The following P2RX7 variants were observed in gnomAD, a reference collection of about 807,000 sequenced individuals.
P2RX7 encodes P2X purinoceptor 7.
Under a neutral mutation model 71.6 loss-of-function variants are expected in P2RX7, and 62 were observed. The observed-to-expected ratio is 0.87, with a 90% CI of 0.71 to 1.07. The LOEUF (loss-of-function observed/expected upper bound fraction) is 1.07, where lower values mean the gene tolerates loss of function less well. Among genes scored for constraint, P2RX7 ranks in the 50% least tolerant of loss-of-function variants. The probability of loss-of-function intolerance (pLI) is 0.00; values close to 1 mark genes in which losing one functional copy is unlikely to be tolerated. For synonymous variants in P2RX7, 299 were observed against 283.3 expected (o/e 1.06, Z -0.56); for missense variants, 686 against 748.5 (o/e 0.92, Z 0.97).
rs143572120 is a variant in P2RX7 at position 121,147,379 on chromosome 12, G to A, written c.126-7406G>A. Among the ~76,000 whole-genome samples the A allele has an allele frequency of 6.1e-3, 924 of 152,254 alleles. 4 individuals are homozygous for A. The highest frequency in any genetic ancestry group is 9.6e-3 in the Non-Finnish European group (652 of 68,024). On this transcript the variant is annotated intron_variant, in intron 1 of 12. Transcript: ENST00000328963. ...GTAAGGATTGCAAGAGTTAATATAT[G>A]TTAGCAAAATGGACTTAGAAGAGTG...
chr12:121,181,496 A>G (rs1284765472), intron 12 of P2RX7, among the ~76,000 whole-genome samples: 2 of 152,178 alleles, frequency 1.3e-5, no homozygotes, highest in Non-Finnish European at 2.9e-5. Flanking sequence ...CACTCTCCCC[A>G]GCAGTTCTGG....
At position 121,165,915 on chromosome 12, in the gene P2RX7, C is replaced by T. The variant is rs79679265; in HGVS notation, c.615-143C>T. ...ATCAACCCTGGTCCAGTGTGAGAGG[C>T]CACTGCCCAGGGGTCCCAGGAGGCA... On this transcript the variant is annotated intron_variant, in intron 6 of 12. Coordinates refer to ENST00000328963, the MANE Select transcript of P2RX7 (RefSeq NM_002562.6). The T allele has an allele frequency of 1.7e-3, 1,325 of 770,782 alleles. 12 individuals are homozygous for T. The African/African-American group carries it at 0.021, about 12-fold the overall frequency. 47.7% of individuals were successfully genotyped at this position (770,782 alleles called of 1,614,324 possible).
At position 121,184,836 on chromosome 12, in the gene P2RX7, G is replaced by A; in HGVS notation, c.*34G>A. 1 of 1,485,448 alleles carries A rather than the reference G, an allele frequency of 6.7e-7. No homozygotes were observed. The highest frequency in any genetic ancestry group is 1.3e-5 in the South Asian group (1 of 76,802). 92.0% of individuals were successfully genotyped at this position (1,485,448 alleles called of 1,614,324 possible). A position where few individuals can be genotyped will look rare whatever the true frequency, so the allele number is the denominator to read the frequency against. ...ACCGTGGCTCACGTCTGTAATCCCA[G>A]CGCTTTGGGAGGCCGAGGCAGGCAG... On this transcript the variant is annotated 3_prime_UTR_variant, in exon 13 of 13. Coordinates refer to ENST00000328963, the MANE Select transcript of P2RX7 (RefSeq NM_002562.6).
At chr12:121,163,358 G>GCACA (rs1352653146) in intron 5 of P2RX7, among the ~76,000 whole-genome samples, 7,067 of 100,352 alleles carry the variant, frequency 0.07, 282 homozygotes, top group African/African-American at 0.11. Flanking sequence ...ACACACACAC[G>GCACA]CACACACACA....
At chr12:121,144,691 C>A (rs1250846681) in intron 1 of P2RX7, among the ~76,000 whole-genome samples, 1 of 152,086 alleles carries the variant, frequency 6.6e-6, no homozygotes, top group Non-Finnish European at 1.5e-5. Context: ...ATTTAGGAGA[C>A]TATTGGGATG....
intron 4 of P2RX7, 33 bp downstream of exon 4, chr12:121,161,007 G>A (rs200426192): frequency 6.5e-7 from 1 of 1,545,356 alleles, no homozygotes; most frequent in Non-Finnish European, 8.9e-7. Context: ...AGACCCTAGG[G>A]GTGGATGGTC....
chr12:121,176,971 G>C (rs1282654579), intron 9 of P2RX7, among the ~76,000 whole-genome samples, 176 bp from the exon 10 acceptor site: 3 of 152,176 alleles, frequency 2.0e-5, no homozygotes, highest in Admixed American at 1.3e-4. Flanking sequence ...GGCTGAAGCA[G>C]GATGCCTGAG....
intron 1 of P2RX7, among the ~76,000 whole-genome samples, chr12:121,141,713 G>C (rs592340): frequency 0.15 from 22,836 of 152,066 alleles, 2,884 homozygotes; most frequent in African/African-American, 0.35. Flanking sequence ...TGAGGACTTA[G>C]CATGTGCCGG....
rs201774947 is a variant in P2RX7, at chr12:121,166,132, G to A, written c.689G>A (p.Arg230Gln). The A allele has an allele frequency of 1.9e-5, 30 of 1,613,870 alleles. No homozygotes were observed. Among genetic ancestry groups the A allele is most frequent in the African/African-American group, 4.0e-5 (3 of 74,900 alleles). Residue 230 changes from arginine (R) to glutamine (Q), a missense_variant, in exon 7 of 13, where the codon CGA becomes CAA. Transcript: ENST00000328963. Reference protein sequence around the residue: ...KTQNPQCPIFRLGDIFRETGD... With the variant: ...KTQNPQCPIFQLGDIFRETGD... ...CAGAATCCACAGTGTCCCATTTTCCGACTAGGAGACATCTTCCGAGAAACA... is the reference window on the plus strand; with the variant it reads ...CAGAATCCACAGTGTCCCATTTTCCAACTAGGAGACATCTTCCGAGAAACA...
At chr12:121,143,013 A>T (rs1052850205) in intron 1 of P2RX7, among the ~76,000 whole-genome samples, 2 of 151,676 alleles carry the variant, frequency 1.3e-5, no homozygotes, top group African/African-American at 4.9e-5. Context: ...CCTGGGAGGC[A>T]GAGACTGCAG....
intron 6 of P2RX7, among the ~76,000 whole-genome samples, chr12:121,165,748 C>T (rs980924809): frequency 6.6e-6 from 1 of 152,200 alleles, no homozygotes; most frequent in Non-Finnish European, 1.5e-5. Context: ...ACTTGAGTAT[C>T]CTTGGTATAT....
At chr12:121,171,302 A>G (rs369081858) in intron 8 of P2RX7, among the ~76,000 whole-genome samples, 3 of 151,228 alleles carry the variant, frequency 2.0e-5, no homozygotes, top group African/African-American at 4.9e-5. Context: ...GCGTCCCACA[A>G]ATCTCTGCCT....
rs1872724901 is a variant in P2RX7, at chr12:121,132,937, G to A, written c.-34G>A. On this transcript the variant is annotated 5_prime_UTR_variant, in exon 1 of 13. Transcript: ENST00000328963. ...GCCCTGTCAGGAAGAGTAGAGCTCT[G>A]GTCCAGCTCCGCGCAGGGAGGGAGG... The A allele has an allele frequency of 6.2e-7, 1 of 1,612,196 alleles. No individual in the cohort carries two copies. The highest frequency in any genetic ancestry group is 8.5e-7 in the Non-Finnish European group (1 of 1,179,866).
intron 12 of P2RX7, among the ~76,000 whole-genome samples, chr12:121,182,072 A>AC (rs1475274055): frequency 1.3e-5 from 2 of 151,946 alleles, no homozygotes; most frequent in African/African-American, 4.8e-5. Context: ...AAAAAAAAAA[A>AC]AAAAAAAGTC....
chr12:121,136,920 A>G (rs558955727), intron 1 of P2RX7, among the ~76,000 whole-genome samples: 42 of 152,268 alleles, frequency 2.8e-4, no homozygotes, highest in African/African-American at 9.4e-4. Context: ...AAGTGCTGGG[A>G]TTACAGGTGT....
intron 5 of P2RX7, among the ~76,000 whole-genome samples, chr12:121,162,805 A>G (rs1880021176): frequency 6.6e-6 from 1 of 152,072 alleles, no homozygotes; most frequent in South Asian, 2.1e-4. Context: ...CAGATCTTCC[A>G]GGGTACCCCC....
rs1876851148 is a variant in P2RX7 at position 121,149,021 on chromosome 12, G to A, written c.126-5764G>A. 3 of 556,356 alleles carry A rather than the reference G, an allele frequency of 5.4e-6. No individual in the cohort carries two copies. The highest frequency in any genetic ancestry group is 1.1e-5 in the Non-Finnish European group (3 of 282,268). 34.5% of individuals were successfully genotyped at this position (556,356 alleles called of 1,614,324 possible). A position where few individuals can be genotyped will look rare whatever the true frequency, so the allele number is the denominator to read the frequency against. On this transcript the variant is annotated intron_variant, in intron 1 of 12. Transcript: ENST00000328963. This position sits in a 1 kb window ranked among gnomAD's most constrained non-coding sequence, Gnocchi z 4.7. ...GGAAGCCCAGGGGCTGTAAGACGGA[G>A]AGGAACTTTGCTGAAAGGGAGGTCC...
At position 121,184,390 on chromosome 12, in the gene P2RX7, T is replaced by A; in HGVS notation, c.1376T>A (p.Ile459Lys). The part of the protein sequence containing the change: ...TPPIPGQPEE[I>K]QLLRKEATPR... The stretch of plus-strand genomic sequence containing the variant: ...CCGATTCCTGGACAACCAGAGGAGA[T>A]ACAGCTGCTTAGAAAGGAGGCGACT... The change falls in exon 13 of 13, where the codon ATA (isoleucine) becomes AAA (lysine). Residue 459 changes from isoleucine to lysine, a missense_variant. Physicochemically the swap from Ile to Lys is moderately radical, Grantham distance 102. Transcript: ENST00000328963. 6.2e-7 allele frequency: 1 copy of A among 1,614,072 alleles called. No individual in the cohort carries two copies. Among genetic ancestry groups the A allele is most frequent in the Non-Finnish European group, 8.5e-7 (1 of 1,180,012 alleles).
chr12:121,185,076 TG>T lies in P2RX7; in HGVS notation c.*275del. ...CTCCAGCCTGGGAGGCACAGCAAAC[TG>T]TCCCCCAAAAAAAAAAAAGAGTCCT... is the stretch of plus-strand genomic sequence containing the variant. On this transcript the variant is annotated 3_prime_UTR_variant, in exon 13 of 13. Transcript: ENST00000328963. 3.6e-6 allele frequency: 1 copy of T among 276,132 alleles called. No individual in the cohort carries two copies. Among genetic ancestry groups the T allele is most frequent in the South Asian group, 8.5e-5 (1 of 11,712 alleles). 17.1% of individuals were successfully genotyped at this position (276,132 alleles called of 1,614,324 possible).
Sources: gnomAD v4.1 joint callset for allele counts (sites outside exome capture counted in the v4.1 genomes callset) on GRCh38, gnomAD v4.1.1 for gene constraint, Gnocchi (gnomAD v3.1) non-coding constraint, MANE v1.5 for transcripts, NCBI Gene and HGNC (gene_info 2026-07-23, HGNC 2026-07-21) for gene names.